The following EFHD1 variants were observed in gnomAD, a reference collection of about 807,000 sequenced individuals.
The protein encoded by EFHD1 is EF-hand domain-containing protein D1.
In EFHD1, 10 loss-of-function variants were observed where a neutral mutation model predicts 17.2. That is an observed-to-expected ratio of 0.58 (90% confidence interval 0.36 to 0.99). EFHD1 has a LOEUF of 0.99. EFHD1 is among the 50% of genes least tolerant of loss of function. The pLI is 0.01. For missense variants in EFHD1, 310 were observed against 327.5 expected (o/e 0.95, Z 0.41); for synonymous variants, 153 against 142.0 (o/e 1.08, Z -0.55).
intron 1 of EFHD1, among the ~76,000 whole-genome samples, chr2:232,627,964 T>C (rs1694138364): frequency 6.6e-6 from 1 of 152,172 alleles, no homozygotes; most frequent in Non-Finnish European, 1.5e-5. Context: ...CACTATCTAA[T>C]GTTAGAATAT....
At chr2:232,671,118 T>C (rs1175328254) in intron 2 of EFHD1, among the ~76,000 whole-genome samples, 3 of 152,116 alleles carry the variant, frequency 2.0e-5, no homozygotes, top group African/African-American at 4.8e-5. Context: ...AAAAAGCATC[T>C]TATTTTCAGT....
chr2:232,668,788 C>T (rs1198731249), intron 2 of EFHD1, among the ~76,000 whole-genome samples: 1 of 152,126 alleles, frequency 6.6e-6, no homozygotes, highest in Non-Finnish European at 1.5e-5. Context: ...TGTGTACCAC[C>T]ATGCCCGGCT....
chr2:232,658,109 G>A (rs376030612), intron 1 of EFHD1, among the ~76,000 whole-genome samples: 21 of 151,704 alleles, frequency 1.4e-4, no homozygotes, highest in African/African-American at 5.1e-4. Context: ...CACCATGTTG[G>A]TCAGGCTGGT....
chr2:232,640,630 G>C (rs1433550306), intron 1 of EFHD1, among the ~76,000 whole-genome samples: 1 of 152,210 alleles, frequency 6.6e-6, no homozygotes, highest in Admixed American at 6.5e-5. Context: ...AATGCTGACA[G>C]CAAGCTGGAT....
intron 1 of EFHD1, among the ~76,000 whole-genome samples, chr2:232,611,170 C>T (rs1303783649): frequency 6.6e-6 from 1 of 152,110 alleles, no homozygotes; most frequent in Non-Finnish European, 1.5e-5. Context: ...AGCATGAGAC[C>T]ATGTTGCCCA....
intron 1 of EFHD1, chr2:232,638,253 T>TGAG (rs1436174463): frequency 1.6e-5 from 7 of 437,980 alleles, no homozygotes; most frequent in Non-Finnish European, 3.3e-5. Flanking sequence ...AGGGAGGCAA[T>TGAG]GAGGGCAGCC....
At chr2:232,624,792 C>T (rs920719869) in intron 1 of EFHD1, among the ~76,000 whole-genome samples, 6 of 152,138 alleles carry the variant, frequency 3.9e-5, no homozygotes, top group East Asian at 3.9e-4. Context: ...GACACAATTG[C>T]CAGAAGATGC....
chr2:232,630,784 TA>T (rs35113329), upstream of EFHD1, among the ~76,000 whole-genome samples: 8,735 of 134,844 alleles, frequency 0.065, 891 homozygotes, highest in African/African-American at 0.23. Flanking sequence ...TCATCTCTAT[TA>T]AAAAAAAAAA....
intron 3 of EFHD1, among the ~76,000 whole-genome samples, chr2:232,676,236 A>G (rs1353313790): frequency 6.6e-6 from 1 of 152,072 alleles, no homozygotes; most frequent in Non-Finnish European, 1.5e-5. Context: ...TGAGGAGGAA[A>G]AGTTATGAAC....
In EFHD1 at chr2:232,633,823, C is replaced by T; in HGVS notation, c.119C>T (p.Pro40Leu). Residue 40 changes from proline (P) to leucine (L), a missense_variant, in exon 1 of 4, where the codon CCC becomes CTC. Pro to Leu is a moderately conservative substitution (Grantham distance 98). Transcript: ENST00000264059. The stretch of plus-strand genomic sequence containing the variant: ...CCAGCCCCGGAGCCCAAGCCCGAGC[C>T]CGAGCCTCCCGCCCGTGCGCCCACG... ...GAPAPEPKPE[P>L]EPPARAPTAS... 6.8e-7 allele frequency: 1 copy of T among 1,475,568 alleles called. No individual in the cohort carries two copies. Among genetic ancestry groups the T allele is most frequent in the Non-Finnish European group, 8.9e-7 (1 of 1,122,676 alleles). The allele number at this position is 1,475,568 out of a possible 1,614,324, so 91.4% of individuals were successfully genotyped here.
At chr2:232,639,451 C>T (rs963204983) in intron 1 of EFHD1, among the ~76,000 whole-genome samples, 18 of 151,910 alleles carry the variant, frequency 1.2e-4, no homozygotes, top group African/African-American at 4.1e-4. Flanking sequence ...TGTCTCAAAG[C>T]GCTGGGATCA....
At chr2:232,645,287 G>A (rs1305416803) in intron 1 of EFHD1, among the ~76,000 whole-genome samples, 2 of 152,062 alleles carry the variant, frequency 1.3e-5, no homozygotes, top group Non-Finnish European at 2.9e-5. Context: ...TTTGCAGGAA[G>A]TAGGAGGATG....
chr2:232,627,062 A>ATT (rs1444480451), intron 1 of EFHD1, among the ~76,000 whole-genome samples: 14 of 109,542 alleles, frequency 1.3e-4, no homozygotes, highest in Non-Finnish European at 1.4e-4. Context: ...ATATATATAT[A>ATT]TATTTTTTTT....
intron 1 of EFHD1, among the ~76,000 whole-genome samples, chr2:232,616,976 G>T (rs1484024183): frequency 2.0e-5 from 3 of 152,154 alleles, no homozygotes; most frequent in Admixed American, 2.0e-4. Context: ...GCCTCATCTG[G>T]AGGCGACCCT....
chr2:232,662,969 C>G lies in EFHD1; in HGVS notation c.450+20C>G, dbSNP rs1193534597. Reference sequence around the variant, plus strand: ...CGGGAGGTACCTGCCTGCTGTGGCCCTGAGCCCCTGTGGGGTGCCCCTGAG... The same window carrying G: ...CGGGAGGTACCTGCCTGCTGTGGCCGTGAGCCCCTGTGGGGTGCCCCTGAG... On this transcript the variant is annotated intron_variant, in intron 2 of 3. Transcript: ENST00000264059. The G allele has an allele frequency of 6.4e-7, 1 of 1,559,470 alleles. No homozygotes were observed.
Position 232,662,887 on chromosome 2 carries a change from G to A in EFHD1, c.388G>A (p.Gly130Ser), listed in dbSNP as rs200547573. The change falls in exon 2 of 4, where the codon GGC becomes AGC. Residue 130 changes from glycine to serine, a missense_variant. Physicochemically the swap from Gly to Ser is moderately conservative, Grantham distance 56 (BLOSUM62 0). Coordinates refer to ENST00000264059, the MANE Select transcript of EFHD1 (RefSeq NM_025202.4). ...EKLGAPQTHL[G>S]LKSMIKEVDE... ...GCTGGGGGCCCCCCAGACCCACCTG[G>A]GCCTGAAGAGCATGATCAAGGAGGT... 6.9e-6 allele frequency: 11 copies of A among 1,594,192 alleles called. No individual in the cohort carries two copies. The East Asian group carries it at 2.6e-4, about 37-fold the overall frequency.
At chr2:232,609,078 T>TTTG (rs1693768481) in intron 1 of EFHD1, among the ~76,000 whole-genome samples, 4 of 121,646 alleles carry the variant, frequency 3.3e-5, no homozygotes, top group African/African-American at 1.4e-4. Flanking sequence ...TTTTTTTTTT[T>TTTG]AGATGGAGTC....
upstream of EFHD1, among the ~76,000 whole-genome samples, chr2:232,629,121 G>C (rs1288892441): frequency 1.3e-5 from 2 of 152,314 alleles, no homozygotes; most frequent in East Asian, 1.9e-4. Context: ...AAGTGTATTA[G>C]AGCAGAGATT....
intron 1 of EFHD1, among the ~76,000 whole-genome samples, chr2:232,662,436 G>A (rs893371017): frequency 3.9e-5 from 6 of 152,140 alleles, no homozygotes; most frequent in African/African-American, 1.4e-4. Context: ...TGGGCGTCAG[G>A]GGCCAGCTCC....
Sources: allele counts gnomAD v4.1 joint callset (sites outside exome capture counted in the v4.1 genomes callset), GRCh38; gene constraint gnomAD v4.1.1; transcripts MANE v1.5; gene names NCBI Gene and HGNC (gene_info 2026-07-23, HGNC 2026-07-21).